The following TTC24 variants were observed in gnomAD, a reference collection of about 807,000 sequenced individuals.
The protein encoded by TTC24 is tetratricopeptide repeat protein 24.
TTC24 carries 54 observed loss-of-function variants against 63.3 expected under a neutral mutation model. The ratio of observed to expected loss-of-function variants is 0.85; its 90% CI spans 0.69 to 1.07. The LOEUF (loss-of-function observed/expected upper bound fraction) is 1.07. Ranked by LOEUF, TTC24 falls within the 50% of genes least tolerant of loss-of-function variation. The pLI is 0.00. For synonymous variants in TTC24, 276 were observed against 304.3 expected (o/e 0.91, Z 0.97); for missense variants, 680 against 730.5 (o/e 0.93, Z 0.80).
In TTC24 at chr1:156,586,942, C is replaced by T. The variant is rs1348870177; in HGVS notation, c.*392C>T. 6.6e-6 allele frequency among the ~76,000 whole-genome samples: 1 copy of T among 152,196 alleles called. No homozygotes were observed. The highest frequency in any genetic ancestry group is 6.5e-5 in the Admixed American group (1 of 15,286). ...CATGAGAAATGAGGATATAATACTA[C>T]AGAAGAGGCATCTTACCCAACCAAT... On this transcript the variant is annotated 3_prime_UTR_variant, in exon 11 of 11. Coordinates refer to ENST00000368236, the MANE Select transcript of TTC24 (RefSeq NM_001105669.4).
Position 156,585,737 on chromosome 1 carries a change from A to C in TTC24, c.1481A>C (p.Asn494Thr). ...PELCFLPGTV[N>T]HSHHLASSCP... ...GTGTGTTTCCTTCCAGGCACAGTGA[A>C]TCATTCGCACCATCTAGCTTCTAGT... The change falls in exon 9 of 11, where the codon AAT becomes ACT. Residue 494 changes from asparagine to threonine, a missense_variant. Physicochemically the swap from Asn to Thr is moderately conservative, Grantham distance 65. Coordinates refer to ENST00000368236, the MANE Select transcript of TTC24 (RefSeq NM_001105669.4). 6.2e-7 allele frequency: 1 copy of C among 1,613,910 alleles called. No homozygotes were observed. The highest frequency in any genetic ancestry group is 8.5e-7 in the Non-Finnish European group (1 of 1,179,830).
At position 156,582,435 on chromosome 1, in the gene TTC24, G is replaced by A. The variant is rs1377053281; in HGVS notation, c.910+1G>A. The stretch of plus-strand genomic sequence containing the variant: ...CACCAGAAGGCTGCTGACCTACACG[G>A]TGGGTGCCTGGGGCCGGGGAATGGG... On this transcript the variant is annotated splice_donor_variant, in intron 3 of 10. Transcript: ENST00000368236. LOFTEE classifies it high-confidence loss of function. The A allele has an allele frequency of 6.2e-7, 1 of 1,613,750 alleles. No homozygotes were observed.
In TTC24 at chr1:156,586,429, C is replaced by T. The variant is rs755974238; in HGVS notation, c.1668-40C>T. On this transcript the variant is annotated intron_variant, in intron 10 of 10. Coordinates refer to ENST00000368236, the MANE Select transcript of TTC24 (RefSeq NM_001105669.4). ...GGCAGGCTGCCTCCTGCTGTCTCCC[C>T]AGTCACCCCCACTGGCAAGCCCCTC... The T allele has an allele frequency of 6.4e-6, 10 of 1,558,520 alleles. No homozygotes were observed. The Admixed American group carries it at 1.3e-4, about 20-fold the overall frequency.
In TTC24 at chr1:156,581,855, A is replaced by G; in HGVS notation, c.491A>G (p.Tyr164Cys). Residue 164 changes from tyrosine (Y) to cysteine (C), a missense_variant, in exon 2 of 11, where the codon TAC becomes TGC. By Grantham distance (194) the Tyr-to-Cys change is radical. Transcript: ENST00000368236. ...GCCTGGGCAAAAATGGGAGCCTGCT[A>G]CCAGGCTCTGGGACAGCCTGAGCTA... ...GEAWAKMGAC[Y>C]QALGQPELAA... 1 of 1,550,018 alleles carries G rather than the reference A, an allele frequency of 6.5e-7. No homozygotes were observed. Among genetic ancestry groups the G allele is most frequent in the Non-Finnish European group, 8.7e-7 (1 of 1,145,916 alleles).
In TTC24 at chr1:156,583,185, G is replaced by T; in HGVS notation, c.1039+15G>T. ...CCGGGACTCTGGTAAGCGTGAGAGG[G>T]TTGGGATGTGACTGGGACAGTGGGG... On this transcript the variant is annotated intron_variant, in intron 4 of 10. Coordinates refer to ENST00000368236, the MANE Select transcript of TTC24 (RefSeq NM_001105669.4). The surrounding 1 kb of genome is among the most constrained non-coding windows in gnomAD (Gnocchi z 4.0). 1.2e-6 allele frequency: 2 copies of T among 1,611,200 alleles called. No homozygotes were observed. Among genetic ancestry groups the T allele is most frequent in the Non-Finnish European group, 1.7e-6 (2 of 1,178,498 alleles).
In TTC24 at chr1:156,586,062, A is replaced by C; in HGVS notation, c.1667+17A>C. 1 of 1,523,132 alleles carries C rather than the reference A, an allele frequency of 6.6e-7. No individual in the cohort carries two copies. Among genetic ancestry groups the C allele is most frequent in the Non-Finnish European group, 8.9e-7 (1 of 1,118,126 alleles). The allele number at this position is 1,523,132 out of a possible 1,614,324, so 94.4% of individuals were successfully genotyped here. On this transcript the variant is annotated intron_variant, in intron 10 of 10. Transcript: ENST00000368236. ...AGCCAATAGGTGGGTCCTTGGGGGA[A>C]AGAAGGAGGCCTGGAGAATAGCAAA...
Position 156,581,988 on chromosome 1 carries a change from G to T in TTC24, c.624G>T (p.Gly208=). 6.6e-7 allele frequency: 1 copy of T among 1,512,664 alleles called. No individual in the cohort carries two copies. Among genetic ancestry groups the T allele is most frequent in the Non-Finnish European group, 8.8e-7 (1 of 1,133,154 alleles). 93.7% of individuals were successfully genotyped at this position (1,512,664 alleles called of 1,614,324 possible). A position where few individuals can be genotyped will look rare whatever the true frequency, so the allele number is the denominator to read the frequency against. The change falls in exon 2 of 11, where the codon GGG becomes GGT. Residue 208 remains glycine, a synonymous_variant. Coordinates refer to ENST00000368236, the MANE Select transcript of TTC24 (RefSeq NM_001105669.4). Reference sequence around the variant, plus strand: ...CGGCAGGATGTATGCTGAAGAGTGGGCGGCATCGGGTGGGGGAAGTTGTGC... The same window carrying T: ...CGGCAGGATGTATGCTGAAGAGTGGTCGGCATCGGGTGGGGGAAGTTGTGC... ...GAAAGCMLKS[G]RHRVGEVVQV...
At chr1:156,584,656 G>A in intron 6 of TTC24, 1 of 404,132 alleles carries the variant, frequency 2.5e-6, no homozygotes, top group Non-Finnish European at 4.4e-6. Flanking sequence ...GTGGTCATCA[G>A]GCGCTGGCCA....
Position 156,587,108 on chromosome 1 carries a change from A to G in TTC24, c.*558A>G, listed in dbSNP as rs1241721394. On this transcript the variant is annotated 3_prime_UTR_variant, in exon 11 of 11. Transcript: ENST00000368236. ...TTCCCAAGTACTTAGCTCATGCCCC[A>G]CCCTATTCTAGGTGCTTAGCTCAGG... Among the ~76,000 whole-genome samples the G allele has an allele frequency of 1.4e-5, 2 of 139,306 alleles. No homozygotes were observed. Among genetic ancestry groups the G allele is most frequent in the Non-Finnish European group, 1.6e-5 (1 of 63,512 alleles). 91.4% of individuals were successfully genotyped at this position (139,306 alleles called of 152,430 possible).
At position 156,586,048 on chromosome 1, in the gene TTC24, G is replaced by A; in HGVS notation, c.1667+3G>A. 1.3e-6 allele frequency: 2 copies of A among 1,557,072 alleles called. No homozygotes were observed. The highest frequency in any genetic ancestry group is 1.7e-6 in the Non-Finnish European group (2 of 1,146,914). ...CCCAATGGCCCTCAAGCCAATAGGT[G>A]GGTCCTTGGGGGAAAGAAGGAGGCC... On this transcript the variant is annotated splice_donor_region_variant and intron_variant, in intron 10 of 10. Coordinates refer to ENST00000368236, the MANE Select transcript of TTC24 (RefSeq NM_001105669.4).
chr1:156,586,656 G>A lies in TTC24; in HGVS notation c.*106G>A. On this transcript the variant is annotated 3_prime_UTR_variant, in exon 11 of 11. Transcript: ENST00000368236. ...TCTTCCCAGTTGCTCAGCCCTGCAG[G>A]GATGTGGAACACAGTGCAGCCAGTG... The A allele has an allele frequency of 4.8e-6, 5 of 1,035,194 alleles. No homozygotes were observed. Among genetic ancestry groups the A allele is most frequent in the Non-Finnish European group, 7.2e-6 (5 of 690,058 alleles). The allele number at this position is 1,035,194 out of a possible 1,614,324, so 64.1% of individuals were successfully genotyped here. A position where few individuals can be genotyped will look rare whatever the true frequency, so the allele number is the denominator to read the frequency against.
Position 156,583,211 on chromosome 1 carries a change from A to G in TTC24, c.1039+41A>G. The G allele has an allele frequency of 6.3e-7, 1 of 1,578,882 alleles. No individual in the cohort carries two copies. The highest frequency in any genetic ancestry group is 8.6e-7 in the Non-Finnish European group (1 of 1,164,294). On this transcript the variant is annotated intron_variant, in intron 4 of 10. Transcript: ENST00000368236. The surrounding 1 kb of genome is among the most constrained non-coding windows in gnomAD (Gnocchi z 4.0). ...TTGGGATGTGACTGGGACAGTGGGG[A>G]GGCTGAGGGTCCTAGGGGCTGGCGG...
chr1:156,585,181 A>G lies in TTC24; in HGVS notation c.1406A>G (p.Glu469Gly). ...EFEEGHQKKK[E>G]ERSANVPVRA... ...GAGGAGGGCCACCAGAAGAAAAAAG[A>G]GGAGAGGTCGGCAAACGTTCCGGTG... Residue 469 changes from glutamate (E) to glycine (G), a missense_variant, in exon 8 of 11, where the codon GAG becomes GGG. By Grantham distance (98) the Glu-to-Gly change is moderately conservative (BLOSUM62 -2). Coordinates refer to ENST00000368236, the MANE Select transcript of TTC24 (RefSeq NM_001105669.4). 6.2e-7 allele frequency: 1 copy of G among 1,613,558 alleles called. No individual in the cohort carries two copies. Among genetic ancestry groups the G allele is most frequent in the Non-Finnish European group, 8.5e-7 (1 of 1,179,734 alleles).
Position 156,583,246 on chromosome 1 carries a change from TG to T in TTC24, c.1039+82del, listed in dbSNP as rs1006518497. The T allele has an allele frequency of 2.6e-6, 4 of 1,516,366 alleles. No homozygotes were observed. Among genetic ancestry groups the T allele is most frequent in the African/African-American group, 1.6e-5 (1 of 61,246 alleles). The allele number at this position is 1,516,366 out of a possible 1,614,324, so 93.9% of individuals were successfully genotyped here. On this transcript the variant is annotated intron_variant, in intron 4 of 10. Coordinates refer to ENST00000368236, the MANE Select transcript of TTC24 (RefSeq NM_001105669.4). This position sits in a 1 kb window ranked among gnomAD's most constrained non-coding sequence, Gnocchi z 4.0. ...TCCTAGGGGCTGGCGGGGAGGCAGA[TG>T]GGGGGAACTGAGGGTAGGGAGTGCC...
intron 8 of TTC24, chr1:156,585,490 C>CT (rs1353988048): frequency 1.7e-6 from 1 of 603,956 alleles, no homozygotes; most frequent in African/African-American, 1.9e-5. Context: ...CTAGAACTCC[C>CT]TCTTCCTTCC....
At position 156,583,847 on chromosome 1, in the gene TTC24, C is replaced by A; in HGVS notation, c.1203C>A (p.Thr401=). 1 of 1,584,116 alleles carries A rather than the reference C, an allele frequency of 6.3e-7. No homozygotes were observed. Among genetic ancestry groups the A allele is most frequent in the Non-Finnish European group, 8.6e-7 (1 of 1,166,552 alleles). Residue 401 remains threonine, a synonymous_variant, in exon 6 of 11, where the codon ACC becomes ACA. Coordinates refer to ENST00000368236, the MANE Select transcript of TTC24 (RefSeq NM_001105669.4). This position sits in a 1 kb window ranked among gnomAD's most constrained non-coding sequence, Gnocchi z 4.0. ...GGCTGGTGGCCAAGCTGGCAGACAC[C>A]GTGAGGACGCGCTTGGCCCAGGTGG... ...RERLVAKLAD[T]VRTRLAQVGL...
At chr1:156,580,111 G>C (rs1385727968) in intron 1 of TTC24, among the ~76,000 whole-genome samples, 2 of 152,172 alleles carry the variant, frequency 1.3e-5, no homozygotes, top group Non-Finnish European at 2.9e-5. Flanking sequence ...CAGAGCAGGA[G>C]GCTGGGGGCC....
At position 156,583,278 on chromosome 1, in the gene TTC24, G is replaced by A; in HGVS notation, c.1040-60G>A. The A allele has an allele frequency of 3.1e-6, 5 of 1,607,894 alleles. No homozygotes were observed. The highest frequency in any genetic ancestry group is 3.4e-6 in the Non-Finnish European group (4 of 1,177,004). On this transcript the variant is annotated intron_variant, in intron 4 of 10. Coordinates refer to ENST00000368236, the MANE Select transcript of TTC24 (RefSeq NM_001105669.4). The surrounding 1 kb of genome is among the most constrained non-coding windows in gnomAD (Gnocchi z 4.0). ...AACTGAGGGTAGGGAGTGCCTCTGA[G>A]GGGGTGGATCAGTGGGGTAGGAAGT...
Position 156,585,486 on chromosome 1 carries a change from C to T in TTC24, c.1457-227C>T, listed in dbSNP as rs116711624. 1.5e-3 allele frequency: 924 copies of T among 603,394 alleles called. 6 individuals are homozygous for T. The African/African-American group carries it at 0.016, about 10-fold the overall frequency. 37.4% of individuals were successfully genotyped at this position (603,394 alleles called of 1,614,324 possible). On this transcript the variant is annotated intron_variant, in intron 8 of 10. Coordinates refer to ENST00000368236, the MANE Select transcript of TTC24 (RefSeq NM_001105669.4). ...CCATTTTCCCTGAACCCTTCTAGAA[C>T]TCCCTCTTCCTTCCTGCTCTCATGG...
Sources: gnomAD v4.1 joint callset for allele counts (sites outside exome capture counted in the v4.1 genomes callset) on GRCh38, gnomAD v4.1.1 for gene constraint, Gnocchi (gnomAD v3.1) non-coding constraint, MANE v1.5 for transcripts, NCBI Gene and HGNC (gene_info 2026-07-23, HGNC 2026-07-21) for gene names.